Variants in ADRA1B observed in about 807,000 individuals in gnomAD.
ADRA1B encodes the protein alpha-1B adrenergic receptor.
Under a neutral mutation model 17.9 loss-of-function variants are expected in ADRA1B, and 17 were observed. That is an observed-to-expected ratio of 0.95 (90% CI 0.65 to 1.42). The LOEUF (loss-of-function observed/expected upper bound fraction) is 1.42, where lower values mean the gene tolerates loss of function less well. Among genes scored for constraint, ADRA1B ranks in the 40% most tolerant of loss-of-function variants. ADRA1B has a pLI of 0.00. For missense variants in ADRA1B, 681 were observed against 722.1 expected, an observed-to-expected ratio of 0.94 and a Z score of 0.65; for synonymous variants, 366 against 327.6, an observed-to-expected ratio of 1.12 and a Z score of -1.27.
intron 1 of ADRA1B, among the ~76,000 whole-genome samples, chr5:159,881,620 G>C (rs1235501470): frequency 6.6e-6 from 1 of 152,100 alleles, no homozygotes; most frequent in African/African-American, 2.4e-5. Flanking sequence ...GGAATCTACT[G>C]GTACAAAATG....
intron 1 of ADRA1B, among the ~76,000 whole-genome samples, chr5:159,942,164 C>T (rs918073299): frequency 2.6e-5 from 4 of 151,950 alleles, no homozygotes; most frequent in African/African-American, 4.8e-5. Context: ...CCTCGTGATC[C>T]GCCCGCCTCG....
intron 1 of ADRA1B, among the ~76,000 whole-genome samples, chr5:159,922,129 A>G (rs1229565923): frequency 6.6e-6 from 1 of 152,174 alleles, no homozygotes; most frequent in Non-Finnish European, 1.5e-5. Context: ...AAAAACAAAC[A>G]TGGCCCCTGA....
chr5:159,872,666 T>C (rs1753759283), intron 1 of ADRA1B, among the ~76,000 whole-genome samples: 1 of 152,104 alleles, frequency 6.6e-6, no homozygotes, highest in Non-Finnish European at 1.5e-5. Context: ...AAATTTCACT[T>C]GCTTTGTCTG....
chr5:159,930,346 T>C (rs1176238950), intron 1 of ADRA1B, among the ~76,000 whole-genome samples: 2 of 152,216 alleles, frequency 1.3e-5, no homozygotes, highest in Non-Finnish European at 2.9e-5. Flanking sequence ...ACAAATAGGT[T>C]AGGCCGGGCG....
chr5:159,917,823 C>T lies in ADRA1B; in HGVS notation c.918C>T (p.Cys306=). The part of the protein sequence containing the change: ...LGIVVGMFIL[C]WLPFFIALPL... ...TTGTGGTCGGTATGTTCATCTTGTGCTGGCTACCCTTCTTCATCGCTCTAC... is the reference window on the plus strand; with the variant it reads ...TTGTGGTCGGTATGTTCATCTTGTGTTGGCTACCCTTCTTCATCGCTCTAC... The change falls in exon 1 of 2, where the codon TGC becomes TGT. Residue 306 remains cysteine, a synonymous_variant. Coordinates refer to ENST00000306675, the MANE Select transcript of ADRA1B (RefSeq NM_000679.4). 6.2e-7 allele frequency: 1 copy of T among 1,611,194 alleles called. No homozygotes were observed. The highest frequency in any genetic ancestry group is 8.5e-7 in the Non-Finnish European group (1 of 1,179,112).
At chr5:159,887,200 C>A (rs1753934656) in intron 1 of ADRA1B, among the ~76,000 whole-genome samples, 1 of 152,194 alleles carries the variant, frequency 6.6e-6, no homozygotes, top group Non-Finnish European at 1.5e-5. Context: ...TTTAACCAAA[C>A]AATCAAGTGG....
chr5:159,875,373 C>A (rs558381231), intron 1 of ADRA1B, among the ~76,000 whole-genome samples: 1 of 152,056 alleles, frequency 6.6e-6, no homozygotes. Context: ...TACCCAAGAG[C>A]AAAATCTGAA....
At chr5:159,987,279 C>A in the ADRA1B span, among the ~76,000 whole-genome samples, 1 of 152,266 alleles carries the variant, frequency 6.6e-6, no homozygotes, top group South Asian at 2.1e-4. Flanking sequence ...GAGCTCCGAT[C>A]CTCCTGCGGC....
At chr5:159,947,448 C>A (rs1755306902) in intron 1 of ADRA1B, among the ~76,000 whole-genome samples, 1 of 152,180 alleles carries the variant, frequency 6.6e-6, no homozygotes, top group African/African-American at 2.4e-5. Context: ...CTAGCTCTGT[C>A]TGCCACCAAA....
At chr5:159,869,828 A>G (rs1464118535) in intron 1 of ADRA1B, 1 of 152,206 alleles carries the variant, frequency 6.6e-6, no homozygotes, top group African/African-American at 2.4e-5. Context: ...AGATAAAAGG[A>G]GATGATTTAT....
intron 1 of ADRA1B, among the ~76,000 whole-genome samples, chr5:159,953,526 G>T (rs1000595429): frequency 6.6e-6 from 1 of 152,136 alleles, no homozygotes; most frequent in Non-Finnish European, 1.5e-5. Context: ...TCTCCAGTCT[G>T]TGGCAATCAG....
chr5:159,973,374 C>T (rs1755923075), downstream of ADRA1B, among the ~76,000 whole-genome samples: 1 of 152,182 alleles, frequency 6.6e-6, no homozygotes, highest in African/African-American at 2.4e-5. Context: ...CAATGTCTGG[C>T]TTGGTCCTGA....
chr5:159,867,723 C>G (rs1373695607), intron 1 of ADRA1B: 1 of 152,206 alleles, frequency 6.6e-6, no homozygotes, highest in African/African-American at 2.4e-5. Context: ...GACCACTGTT[C>G]TTTACTTTCC....
chr5:159,978,129 C>CCA, the ADRA1B span, among the ~76,000 whole-genome samples: 1 of 152,000 alleles, frequency 6.6e-6, no homozygotes, highest in Non-Finnish European at 1.5e-5. Flanking sequence ...GTCTGTTTCC[C>CCA]CACACACACA....
At chr5:159,951,209 C>T in intron 1 of ADRA1B, 1 of 802,124 alleles carries the variant, frequency 1.2e-6, no homozygotes, top group Non-Finnish European at 2.2e-6. Context: ...CGCTGGTGGA[C>T]TTCACAACAT....
downstream of ADRA1B, among the ~76,000 whole-genome samples, chr5:159,977,121 A>G (rs1185190238): frequency 3.9e-5 from 6 of 152,246 alleles, no homozygotes; most frequent in East Asian, 1.2e-3. Flanking sequence ...AGAATGTAAT[A>G]AAAGCTAAAG....
chr5:159,987,644 T>G, the ADRA1B span, among the ~76,000 whole-genome samples: 1 of 152,214 alleles, frequency 6.6e-6, no homozygotes, highest in Non-Finnish European at 1.5e-5. Context: ...CCCTTATTCC[T>G]TCATAGATGC....
chr5:159,904,295 A>G (rs1754135252), intron 1 of ADRA1B, among the ~76,000 whole-genome samples: 1 of 152,224 alleles, frequency 6.6e-6, no homozygotes, highest in Admixed American at 6.5e-5. Context: ...GGAAATGAGG[A>G]AAGGGCTACA....
At chr5:159,942,211 C>A (rs1346403341) in intron 1 of ADRA1B, among the ~76,000 whole-genome samples, 2 of 152,086 alleles carry the variant, frequency 1.3e-5, no homozygotes, top group Non-Finnish European at 2.9e-5. Context: ...CGTGAGCCGC[C>A]ATGGCCGGCC....
Sources: allele counts gnomAD v4.1 joint callset (sites outside exome capture counted in the v4.1 genomes callset), GRCh38; gene constraint gnomAD v4.1.1; transcripts MANE v1.5; gene names NCBI Gene and HGNC (gene_info 2026-07-23, HGNC 2026-07-21).